ABCA13: variants seen among roughly 807,000 people sequenced by gnomAD.
The protein encoded by ABCA13 is ATP-binding cassette sub-family A member 13.
ABCA13 carries 476 observed loss-of-function variants against 478.7 expected under a neutral mutation model. The ratio of observed to expected loss-of-function variants is 0.99; its 90% CI spans 0.92 to 1.07. The LOEUF (loss-of-function observed/expected upper bound fraction) is 1.07. ABCA13 is among the 50% of genes least tolerant of loss of function. ABCA13 has a pLI of 0.00. For synonymous variants in ABCA13, 2,252 were observed against 2,158.9 expected, an observed-to-expected ratio of 1.04 and a Z score of -1.20; for missense variants, 6,060 against 5,910.6, an observed-to-expected ratio of 1.03 and a Z score of -0.83.
chr7:48,228,764 G>T lies in ABCA13; in HGVS notation c.633-1061G>T, dbSNP rs998690347. Among the ~76,000 whole-genome samples, 3 of 152,226 alleles carry T rather than the reference G, an allele frequency of 2.0e-5. No individual in the cohort carries two copies. In the East Asian group the frequency reaches 5.8e-4, roughly 29 times the overall value. Reference sequence around the variant, plus strand: ...ACGTATTTTGATAGTTAGTTAGCTTGATTTATAACTTAAATATTTGAACAT... The same window carrying T: ...ACGTATTTTGATAGTTAGTTAGCTTTATTTATAACTTAAATATTTGAACAT... On this transcript the variant is annotated intron_variant, in intron 6 of 61. Coordinates refer to ENST00000435803, the MANE Select transcript of ABCA13 (RefSeq NM_152701.5).
rs1278443014 is a variant in ABCA13, at chr7:48,314,293, T to C, written c.9743T>C (p.Met3248Thr). The C allele has an allele frequency of 4.3e-6, 7 of 1,613,714 alleles. No homozygotes were observed. Among genetic ancestry groups the C allele is most frequent in the Non-Finnish European group, 5.9e-6 (7 of 1,179,862 alleles). The change falls in exon 26 of 62, where the codon ATG (methionine) becomes ACG (threonine). Residue 3248 changes from methionine (M) to threonine (T), a missense_variant. Coordinates refer to ENST00000435803, the MANE Select transcript of ABCA13 (RefSeq NM_152701.5). ...GGTTCTTTCCAGTTTGTGATGAAGATGGTTTGCAAGGACCAAGCATCATTC... is the reference window on the plus strand; with the variant it reads ...GGTTCTTTCCAGTTTGTGATGAAGACGGTTTGCAAGGACCAAGCATCATTC... ...AFGSFQFVMK[M>T]VCKDQASFLS...
chr7:48,532,894 T>A (rs766598747), intron 55 of ABCA13, among the ~76,000 whole-genome samples: 4 of 152,128 alleles, frequency 2.6e-5, no homozygotes, highest in Admixed American at 6.5e-5. Flanking sequence ...TCTTCTCTCT[T>A]CTTTTCTTGG....
chr7:48,344,592 A>G (rs890629296), intron 29 of ABCA13, among the ~76,000 whole-genome samples: 1 of 152,148 alleles, frequency 6.6e-6, no homozygotes, highest in African/African-American at 2.4e-5. Context: ...GCCCTTTCAG[A>G]CTTAAAGTAG....
At chr7:48,282,998 T>C (rs984091673) in intron 19 of ABCA13, among the ~76,000 whole-genome samples, 1 of 152,188 alleles carries the variant, frequency 6.6e-6, no homozygotes, top group African/African-American at 2.4e-5. Context: ...AATTACCAAA[T>C]GTGAAATCTG....
intron 43 of ABCA13, among the ~76,000 whole-genome samples, chr7:48,462,407 G>T (rs1450964339): frequency 6.6e-6 from 1 of 151,388 alleles, no homozygotes; most frequent in East Asian, 1.9e-4. Context: ...GTCTGGAATT[G>T]TGCAAGATTT....
Position 48,372,101 on chromosome 7 carries a change from C to T in ABCA13, c.10804-67C>T, listed in dbSNP as rs527776828. ...CCACTGGTCCACCTTCTTTCTCCTA[C>T]CATCTGATTTGTTCTTCCTCAAGTA... On this transcript the variant is annotated intron_variant, in intron 32 of 61. Coordinates refer to ENST00000435803, the MANE Select transcript of ABCA13 (RefSeq NM_152701.5). The T allele has an allele frequency of 4.1e-4, 583 of 1,429,466 alleles. 2 individuals are homozygous for T. The highest frequency in any genetic ancestry group is 5.0e-4 in the Non-Finnish European group (528 of 1,057,088). 88.5% of individuals were successfully genotyped at this position (1,429,466 alleles called of 1,614,324 possible).
rs756216996 is a variant in ABCA13, at chr7:48,412,583, G to A, written c.12459G>A (p.Glu4153=). The A allele has an allele frequency of 2.5e-6, 4 of 1,591,096 alleles. No individual in the cohort carries two copies. The highest frequency in any genetic ancestry group is 1.8e-5 in the Admixed American group (1 of 56,136). Residue 4153 remains glutamate (E), a splice_region_variant and synonymous_variant, in exon 41 of 62, where the codon GAG becomes GAA. Transcript: ENST00000435803. ...GGATCTCAGACACCACCTTAGAAGA[G>A]GTACTGAGAAAACTGAAGCGTGCTT... ...GYGISDTTLE[E]VFLMLLQDSN...
chr7:48,232,557 C>G (rs1177139180), intron 7 of ABCA13, among the ~76,000 whole-genome samples: 1 of 152,072 alleles, frequency 6.6e-6, no homozygotes. Context: ...GCTTGATGAG[C>G]CAATTCCAAT....
intron 59 of ABCA13, among the ~76,000 whole-genome samples, chr7:48,617,952 A>G (rs1472957696): frequency 1.3e-5 from 2 of 152,148 alleles, no homozygotes; most frequent in Non-Finnish European, 2.9e-5. Context: ...GGAAAAAACA[A>G]AATAGAAAGT....
chr7:48,394,220 A>T (rs536759833), intron 38 of ABCA13, among the ~76,000 whole-genome samples: 2 of 152,248 alleles, frequency 1.3e-5, no homozygotes, highest in South Asian at 2.1e-4. Flanking sequence ...CAGATTTATT[A>T]TGAGTGCCCC....
chr7:48,320,381 A>G (rs1022098175), intron 27 of ABCA13, among the ~76,000 whole-genome samples: 4 of 152,226 alleles, frequency 2.6e-5, no homozygotes, highest in African/African-American at 9.6e-5. Context: ...TTGCCTACAT[A>G]GGAACTCAAG....
intron 55 of ABCA13, among the ~76,000 whole-genome samples, chr7:48,566,245 A>G (rs1787051064): frequency 6.7e-6 from 1 of 149,914 alleles, no homozygotes; most frequent in Non-Finnish European, 1.5e-5. Flanking sequence ...TTATGTCATT[A>G]AATAAAGGGG....
At chr7:48,469,613 C>T (rs1337477313) in intron 44 of ABCA13, among the ~76,000 whole-genome samples, 4 of 152,050 alleles carry the variant, frequency 2.6e-5, no homozygotes, top group South Asian at 2.1e-4. Context: ...AAGCAACTCT[C>T]AAGACAGGAG....
At position 48,464,960 on chromosome 7, in the gene ABCA13, C is replaced by A. The variant is rs575308320; in HGVS notation, c.12816-1996C>A. Among the ~76,000 whole-genome samples, 3 of 152,250 alleles carry A rather than the reference C, an allele frequency of 2.0e-5. No homozygotes were observed. In the South Asian group the frequency reaches 6.2e-4, roughly 32 times the overall value. On this transcript the variant is annotated intron_variant, in intron 43 of 61. Transcript: ENST00000435803. ...TTCCAACCAAGGTTTCCAGGCCAGGCTGGAGATGGCTTCCAATCAAGTGTC... is the reference window on the plus strand; with the variant it reads ...TTCCAACCAAGGTTTCCAGGCCAGGATGGAGATGGCTTCCAATCAAGTGTC...
intron 1 of ABCA13, among the ~76,000 whole-genome samples, chr7:48,190,957 C>T (rs1201531083): frequency 6.6e-6 from 1 of 151,926 alleles, no homozygotes; most frequent in Non-Finnish European, 1.5e-5. Flanking sequence ...TATACAACTA[C>T]TTGTCTTAAA....
chr7:48,309,215 C>T lies in ABCA13; in HGVS notation c.9322-732C>T, dbSNP rs561067329. Among the ~76,000 whole-genome samples, 4 of 152,118 alleles carry T rather than the reference C, an allele frequency of 2.6e-5. No homozygotes were observed. In the South Asian group the frequency reaches 6.2e-4, roughly 24 times the overall value. ...CCTATTCACATAGGTTCATGCACTTCGGCCTCAGTTGGCCTGAATGTTTCA... is the reference window on the plus strand; with the variant it reads ...CCTATTCACATAGGTTCATGCACTTTGGCCTCAGTTGGCCTGAATGTTTCA... On this transcript the variant is annotated intron_variant, in intron 23 of 61. Coordinates refer to ENST00000435803, the MANE Select transcript of ABCA13 (RefSeq NM_152701.5).
intron 15 of ABCA13, among the ~76,000 whole-genome samples, chr7:48,250,178 T>A (rs770991875): frequency 4.6e-5 from 7 of 152,292 alleles, no homozygotes; most frequent in Non-Finnish European, 1.0e-4. Flanking sequence ...GGGTGAGGTA[T>A]GTGGGGGCAT....
intron 3 of ABCA13, among the ~76,000 whole-genome samples, chr7:48,210,842 G>A (rs1377353107): frequency 6.6e-6 from 1 of 152,086 alleles, no homozygotes; most frequent in Non-Finnish European, 1.5e-5. Flanking sequence ...TTCTGTAAAT[G>A]TTTATTAGGT....
intron 55 of ABCA13, among the ~76,000 whole-genome samples, chr7:48,563,966 T>A (rs1786753392): frequency 6.6e-6 from 1 of 152,154 alleles, no homozygotes. Context: ...AGGGACTATA[T>A]TAACTCTTCA....
Sources: gnomAD v4.1 joint callset for allele counts (sites outside exome capture counted in the v4.1 genomes callset) on GRCh38, gnomAD v4.1.1 for gene constraint, MANE v1.5 for transcripts, NCBI Gene and HGNC (gene_info 2026-07-23, HGNC 2026-07-21) for gene names.